GLRA3: variants seen among roughly 807,000 people sequenced by gnomAD.
The protein encoded by GLRA3 is glycine receptor subunit alpha-3.
GLRA3 carries 44 observed loss-of-function variants against 60.4 expected under a neutral mutation model. The observed-to-expected ratio is 0.73, with a 90% CI of 0.57 to 0.94. The LOEUF is 0.94. GLRA3 is among the 40% of genes least tolerant of loss of function. The pLI is 0.00. For missense variants in GLRA3, 508 were observed against 564.6 expected, an observed-to-expected ratio of 0.90 and a Z score of 1.02; for synonymous variants, 223 against 192.9, an observed-to-expected ratio of 1.16 and a Z score of -1.29.
At chr4:174,807,617 TGAAGA>T (rs1410113986) in intron 1 of GLRA3, among the ~76,000 whole-genome samples, 2 of 152,104 alleles carry the variant, frequency 1.3e-5, no homozygotes, top group Admixed American at 6.6e-5. Context: ...CCAAAAATTA[TGAAGA>T]GAAGATTCTG....
intron 5 of GLRA3, among the ~76,000 whole-genome samples, chr4:174,703,665 A>G (rs1423631611): frequency 6.6e-6 from 1 of 152,176 alleles, no homozygotes; most frequent in Non-Finnish European, 1.5e-5. Flanking sequence ...TAAAGAATTT[A>G]TGGAATCCTA....
chr4:174,825,303 C>T (rs1256696398), intron 1 of GLRA3, among the ~76,000 whole-genome samples: 1 of 151,988 alleles, frequency 6.6e-6, no homozygotes, highest in East Asian at 1.9e-4. Context: ...AAAAGGATTC[C>T]TCTCATCCTC....
chr4:174,789,022 A>G, intron 1 of GLRA3, 79 bp from the exon 2 acceptor site: 1 of 884,732 alleles, frequency 1.1e-6, no homozygotes, highest in Non-Finnish European at 1.7e-6. Flanking sequence ...TAAAATAGAA[A>G]TGCTGAGCTA....
chr4:174,780,187 C>T (rs1259779374), intron 2 of GLRA3, among the ~76,000 whole-genome samples: 2 of 137,154 alleles, frequency 1.5e-5, no homozygotes, highest in South Asian at 2.5e-4. Flanking sequence ...GAATTTTCAA[C>T]CCAGAATTTC....
At chr4:174,742,966 C>A (rs1301699126) in intron 3 of GLRA3, among the ~76,000 whole-genome samples, 2 of 152,014 alleles carry the variant, frequency 1.3e-5, no homozygotes, top group Non-Finnish European at 1.5e-5. Context: ...GAAAGGACAA[C>A]CTATTTGATT....
intron 1 of GLRA3, among the ~76,000 whole-genome samples, chr4:174,807,470 A>C (rs2111358468): frequency 6.6e-6 from 1 of 152,098 alleles, no homozygotes; most frequent in East Asian, 1.9e-4. Flanking sequence ...TAATCTATAA[A>C]GAGATTTATA....
chr4:174,810,657 G>A (rs1740227757), intron 1 of GLRA3, among the ~76,000 whole-genome samples: 2 of 151,990 alleles, frequency 1.3e-5, no homozygotes, highest in Non-Finnish European at 2.9e-5. Flanking sequence ...GTAATTGTAA[G>A]TGAAATTAAA....
At chr4:174,737,040 G>A (rs574323093) in intron 3 of GLRA3, among the ~76,000 whole-genome samples, 4 of 152,122 alleles carry the variant, frequency 2.6e-5, no homozygotes, top group African/African-American at 4.8e-5. Context: ...TCATGATAGC[G>A]ACATCTGACA....
At chr4:174,671,035 G>T (rs1733885612) in intron 7 of GLRA3, among the ~76,000 whole-genome samples, 1 of 150,714 alleles carries the variant, frequency 6.6e-6, no homozygotes, top group African/African-American at 2.4e-5. Flanking sequence ...TAATGTATAT[G>T]GAATCATATT....
chr4:174,684,285 A>T (rs533413970), intron 5 of GLRA3, among the ~76,000 whole-genome samples: 76 of 152,256 alleles, frequency 5.0e-4, no homozygotes, highest in African/African-American at 1.5e-3. Context: ...TAAAAAAAAA[A>T]GAAAAAGAAA....
At chr4:174,684,062 G>T (rs908730939) in intron 5 of GLRA3, among the ~76,000 whole-genome samples, 1 of 151,990 alleles carries the variant, frequency 6.6e-6, no homozygotes, top group African/African-American at 2.4e-5. Context: ...AACTCCTTAA[G>T]CCATAATGTT....
chr4:174,812,180 G>C (rs148783169), intron 1 of GLRA3, among the ~76,000 whole-genome samples: 1 of 152,162 alleles, frequency 6.6e-6, no homozygotes, highest in Non-Finnish European at 1.5e-5. Context: ...AAAAGATACA[G>C]CAATAGTACT....
At chr4:174,696,916 G>A (rs1244489557) in intron 5 of GLRA3, among the ~76,000 whole-genome samples, 1 of 152,092 alleles carries the variant, frequency 6.6e-6, no homozygotes, top group Non-Finnish European at 1.5e-5. Flanking sequence ...GGAGGATTAT[G>A]AGTAGAGGCT....
intron 4 of GLRA3, among the ~76,000 whole-genome samples, chr4:174,717,386 G>A (rs1561074511): frequency 6.6e-6 from 1 of 151,522 alleles, no homozygotes; most frequent in Non-Finnish European, 1.5e-5. Context: ...GAAAAAGAAA[G>A]AAGAAAGGAA....
At chr4:174,710,003 C>T (rs1287276756) in intron 5 of GLRA3, among the ~76,000 whole-genome samples, 1 of 150,824 alleles carries the variant, frequency 6.6e-6, no homozygotes, top group African/African-American at 2.4e-5. Flanking sequence ...GTCTACCCTC[C>T]ATGAATAAAC....
At chr4:174,658,513 G>A (rs564088587) in intron 8 of GLRA3, among the ~76,000 whole-genome samples, 1 of 152,204 alleles carries the variant, frequency 6.6e-6, no homozygotes, top group African/African-American at 2.4e-5. Context: ...TAGTAGCCAG[G>A]CAACAAAAGC....
intron 9 of GLRA3, among the ~76,000 whole-genome samples, chr4:174,645,264 T>C (rs1004728309): frequency 1.6e-4 from 24 of 151,408 alleles, no homozygotes; most frequent in Non-Finnish European, 3.1e-4. Flanking sequence ...ATACAAAAAT[T>C]AGCTGGGTGT....
chr4:174,740,954 G>T (rs923304727), intron 3 of GLRA3, among the ~76,000 whole-genome samples: 7 of 152,286 alleles, frequency 4.6e-5, no homozygotes, highest in African/African-American at 1.7e-4. Context: ...AATTGTACGG[G>T]CGTGCCACAG....
intron 3 of GLRA3, among the ~76,000 whole-genome samples, chr4:174,750,972 C>CT (rs1737450090): frequency 6.6e-6 from 1 of 151,976 alleles, no homozygotes; most frequent in South Asian, 2.1e-4. Flanking sequence ...TCATGAAGAA[C>CT]TTTTACATAG....
Sources: gnomAD v4.1 joint callset for allele counts (sites outside exome capture counted in the v4.1 genomes callset) on GRCh38, gnomAD v4.1.1 for gene constraint, MANE v1.5 for transcripts, NCBI Gene and HGNC (gene_info 2026-07-23, HGNC 2026-07-21) for gene names.